The following CHD3 variants were observed in gnomAD, a reference collection of about 807,000 sequenced individuals.
CHD3 encodes the protein chromodomain helicase DNA binding protein 3.
In CHD3, 52 loss-of-function variants were observed where a neutral mutation model predicts 248.9. The ratio of observed to expected loss-of-function variants is 0.21; its 90% CI spans 0.17 to 0.26. The LOEUF (loss-of-function observed/expected upper bound fraction) is 0.26, where lower values mean the gene tolerates loss of function less well. Among genes scored for constraint, CHD3 ranks in the 10% least tolerant of loss-of-function variants. CHD3 has a pLI of 1.00. For synonymous variants in CHD3, 985 were observed against 985.2 expected, an observed-to-expected ratio of 1.00 and a Z score of 0.00; for missense variants, 1,482 against 2,605.8, an observed-to-expected ratio of 0.57 and a Z score of 9.39.
chr17:7,887,366 G>C (rs1487359899), upstream of CHD3, among the ~76,000 whole-genome samples: 1 of 151,942 alleles, frequency 6.6e-6, no homozygotes, highest in Non-Finnish European at 1.5e-5. Context: ...GTGTTGGTGG[G>C]GGAAGGGAGC....
Position 7,908,006 on chromosome 17 carries a change from T to C in CHD3, c.5139T>C (p.Asp1713=), listed in dbSNP as rs150988632. The change falls in exon 34 of 40, where the codon GAT becomes GAC. Residue 1713 remains aspartate (D), a synonymous_variant. Coordinates refer to ENST00000330494, the MANE Select transcript of CHD3 (RefSeq NM_001005273.3). This position sits in a 1 kb window ranked among gnomAD's most constrained non-coding sequence, Gnocchi z 5.8. ...EKPRFMFNIA[D]GGFTELHTLW... The stretch of plus-strand genomic sequence containing the variant: ...CCCGGTTCATGTTCAATATCGCCGA[T>C]GGTGGCTTCACAGGTTGGGGAGACT... 737 of 1,604,714 alleles carry C rather than the reference T, an allele frequency of 4.6e-4. 12 individuals carry two copies. In the East Asian group the frequency reaches 0.016, roughly 34 times the overall value.
upstream of CHD3, among the ~76,000 whole-genome samples, chr17:7,887,511 GTT>G (rs1567828975): frequency 6.6e-6 from 1 of 152,114 alleles, no homozygotes; most frequent in Non-Finnish European, 1.5e-5. Flanking sequence ...AATTCTGGTA[GTT>G]TCTTTGCAAA....
At chr17:7,887,662 GAA>G (rs1292882248), upstream of CHD3, among the ~76,000 whole-genome samples, 6 of 151,738 alleles carry the variant, frequency 4.0e-5, no homozygotes, top group Admixed American at 6.6e-5. Flanking sequence ...GAGATTAGAA[GAA>G]GAGAGGGGCG....
rs143501783 is a variant in CHD3, at chr17:7,897,001, T to C, written c.1708-82T>C. 0.012 allele frequency: 14,309 copies of C among 1,173,588 alleles called. 131 individuals carry two copies. Among genetic ancestry groups the C allele is most frequent in the Middle Eastern group, 0.03 (142 of 4,766 alleles). The allele number at this position is 1,173,588 out of a possible 1,614,324, so 72.7% of individuals were successfully genotyped here. On this transcript the variant is annotated intron_variant, in intron 10 of 39. Coordinates refer to ENST00000330494, the MANE Select transcript of CHD3 (RefSeq NM_001005273.3). The surrounding 1 kb of genome is among the most constrained non-coding windows in gnomAD (Gnocchi z 4.8). ...TAGCTCCCTTTCCCTGTCCCATTCC[T>C]CCTGCCGGCCTCTTCCCGGTTCCTT...
At position 7,895,207 on chromosome 17, in the gene CHD3, C is replaced by A; in HGVS notation, c.1503+57C>A. On this transcript the variant is annotated intron_variant, in intron 9 of 39. Coordinates refer to ENST00000330494, the MANE Select transcript of CHD3 (RefSeq NM_001005273.3). This position sits in a 1 kb window ranked among gnomAD's most constrained non-coding sequence, Gnocchi z 4.9. Reference sequence around the variant, plus strand: ...TGTCAGGCCTGATCCCTTCCCCCATCCCTGGGGCCCACATGTCCAGCTTTT... The same window carrying A: ...TGTCAGGCCTGATCCCTTCCCCCATACCTGGGGCCCACATGTCCAGCTTTT... 5.0e-6 allele frequency: 8 copies of A among 1,589,560 alleles called. No individual in the cohort carries two copies. The highest frequency in any genetic ancestry group is 6.9e-6 in the Non-Finnish European group (8 of 1,164,786).
chr17:7,895,604 C>A lies in CHD3; in HGVS notation c.1707+62C>A. On this transcript the variant is annotated intron_variant, in intron 10 of 39. Coordinates refer to ENST00000330494, the MANE Select transcript of CHD3 (RefSeq NM_001005273.3). This position sits in a 1 kb window ranked among gnomAD's most constrained non-coding sequence, Gnocchi z 4.9. ...TCATTTCCTGCCATCCTCTCCCTCT[C>A]TTACTCCTCTGTTTGTTGGGTTCCC... 1 of 1,416,508 alleles carries A rather than the reference C, an allele frequency of 7.1e-7. No homozygotes were observed. The highest frequency in any genetic ancestry group is 9.9e-7 in the Non-Finnish European group (1 of 1,008,490). The allele number at this position is 1,416,508 out of a possible 1,614,324, so 87.7% of individuals were successfully genotyped here.
Position 7,908,573 on chromosome 17 carries a change from T to C in CHD3, c.5261+63T>C. 1.3e-6 allele frequency: 2 copies of C among 1,551,036 alleles called. No individual in the cohort carries two copies. Among genetic ancestry groups the C allele is most frequent in the East Asian group, 2.2e-5 (1 of 44,486 alleles). Reference sequence around the variant, plus strand: ...CTCAAGCTGGCAAAAAAAAAAAAGATGATTTCACACCCAGGGACAGGGCTA... The same window carrying C: ...CTCAAGCTGGCAAAAAAAAAAAAGACGATTTCACACCCAGGGACAGGGCTA... On this transcript the variant is annotated intron_variant, in intron 35 of 39. Coordinates refer to ENST00000330494, the MANE Select transcript of CHD3 (RefSeq NM_001005273.3). This position sits in a 1 kb window ranked among gnomAD's most constrained non-coding sequence, Gnocchi z 5.8.
chr17:7,905,216 A>G lies in CHD3; in HGVS notation c.4138+51A>G. 6.4e-7 allele frequency: 1 copy of G among 1,568,458 alleles called. No individual in the cohort carries two copies. Among genetic ancestry groups the G allele is most frequent in the Non-Finnish European group, 8.8e-7 (1 of 1,138,584 alleles). ...CTCACCTCTTCCCGTTTTATTTTCC[A>G]GTTTGCTTTAAGCCCACTGTTTTTA... is the stretch of plus-strand genomic sequence containing the variant. On this transcript the variant is annotated intron_variant, in intron 26 of 39. Transcript: ENST00000330494. The surrounding 1 kb of genome is among the most constrained non-coding windows in gnomAD (Gnocchi z 5.8).
Position 7,889,211 on chromosome 17 carries a change from A to G in CHD3, c.100+111A>G, listed in dbSNP as rs1380798869. 5 of 1,368,592 alleles carry G rather than the reference A, an allele frequency of 3.7e-6. No individual in the cohort carries two copies. Among genetic ancestry groups the G allele is most frequent in the Middle Eastern group, 2.3e-4 (1 of 4,406 alleles). 84.8% of individuals were successfully genotyped at this position (1,368,592 alleles called of 1,614,324 possible). ...TGTCCACCTTTGGCTCTCCCTCCCC[A>G]GCATCTGGCTTAGGGAGCTGCCAGC... On this transcript the variant is annotated intron_variant, in intron 1 of 39. Coordinates refer to ENST00000330494, the MANE Select transcript of CHD3 (RefSeq NM_001005273.3). This position sits in a 1 kb window ranked among gnomAD's most constrained non-coding sequence, Gnocchi z 4.5.
upstream of CHD3, chr17:7,884,897 G>C: frequency 7.2e-7 from 1 of 1,389,240 alleles, no homozygotes; most frequent in Non-Finnish European, 9.6e-7. Flanking sequence ...GGGCGACGAG[G>C]AGGAGGAGGA....
chr17:7,888,776 T>C, upstream of CHD3: 2 of 1,390,784 alleles, frequency 1.4e-6, no homozygotes, highest in Non-Finnish European at 1.9e-6. Context: ...GCTGGGTGTG[T>C]CTGTCTGTGC....
chr17:7,892,051 A>G (rs1368482087), intron 4 of CHD3, among the ~76,000 whole-genome samples: 3 of 152,162 alleles, frequency 2.0e-5, no homozygotes, highest in Non-Finnish European at 4.4e-5. Flanking sequence ...TATACCTCAT[A>G]GGAATCTGTG....
At chr17:7,892,884 C>T (rs1969087342) in intron 4 of CHD3, among the ~76,000 whole-genome samples, 1 of 152,194 alleles carries the variant, frequency 6.6e-6, no homozygotes, top group African/African-American at 2.4e-5. Flanking sequence ...CCTCCAACTC[C>T]TGGGCTCAAG....
rs1971470987 is a variant in CHD3, at chr17:7,910,167, T to C, written c.5591-261T>C. ...CTTTCCTCCATGCTCCCTTTTTCTT[T>C]CTTCTTTCTCTCCATCTGTCTTCTG... On this transcript the variant is annotated intron_variant, in intron 37 of 39. Transcript: ENST00000330494. This position sits in a 1 kb window ranked among gnomAD's most constrained non-coding sequence, Gnocchi z 4.7. 1 of 377,276 alleles carries C rather than the reference T, an allele frequency of 2.7e-6. No homozygotes were observed. The highest frequency in any genetic ancestry group is 4.9e-6 in the Non-Finnish European group (1 of 204,824). The allele number at this position is 377,276 out of a possible 1,614,324, so 23.4% of individuals were successfully genotyped here. A position where few individuals can be genotyped will look rare whatever the true frequency, so the allele number is the denominator to read the frequency against.
chr17:7,902,008 C>T (rs182797287), intron 20 of CHD3, among the ~76,000 whole-genome samples: 42 of 152,254 alleles, frequency 2.8e-4, no homozygotes, highest in Non-Finnish European at 4.0e-4. Context: ...CACCAGAAAA[C>T]TGCACATACA....
intron 8 of CHD3, 81 bp from the exon 9 acceptor site, chr17:7,894,836 G>C: frequency 6.4e-7 from 1 of 1,569,734 alleles, no homozygotes; most frequent in Non-Finnish European, 8.6e-7. Context: ...TAGGATTCAG[G>C]TGTCCTGTCT....
chr17:7,910,903 C>T lies in CHD3; in HGVS notation c.5811C>T (p.Ala1937=), dbSNP rs775108956. The change falls in exon 39 of 40, where the codon GCC becomes GCT. Residue 1937 remains alanine, a synonymous_variant. Coordinates refer to ENST00000330494, the MANE Select transcript of CHD3 (RefSeq NM_001005273.3). This position sits in a 1 kb window ranked among gnomAD's most constrained non-coding sequence, Gnocchi z 4.7. ...CGGGGTACGGGGCGGCCTTCAGCGC[C>T]GCACCCGTAGGGGCCCTGGCCGCCG... ...TPPGYGAAFS[A]APVGALAAAG... 171 of 1,613,462 alleles carry T rather than the reference C, an allele frequency of 1.1e-4. No individual in the cohort carries two copies. Among genetic ancestry groups the T allele is most frequent in the Non-Finnish European group, 1.3e-4 (151 of 1,179,860 alleles).
Position 7,895,721 on chromosome 17 carries a change from T to C in CHD3, c.1707+179T>C, listed in dbSNP as rs1969546667. Among the ~76,000 whole-genome samples the C allele has an allele frequency of 6.6e-6, 1 of 152,194 alleles. No individual in the cohort carries two copies. The highest frequency in any genetic ancestry group is 2.1e-4 in the South Asian group (1 of 4,836). On this transcript the variant is annotated intron_variant, in intron 10 of 39. Coordinates refer to ENST00000330494, the MANE Select transcript of CHD3 (RefSeq NM_001005273.3). The surrounding 1 kb of genome is among the most constrained non-coding windows in gnomAD (Gnocchi z 4.9). ...TGGTTCTTTTGGTCTACAGTCCTCT[T>C]TCTCTCAGTCTCCGTTAGCTTCCTT...
chr17:7,894,534 C>G lies in CHD3; in HGVS notation c.1195C>G (p.Arg399Gly). The stretch of plus-strand genomic sequence containing the variant: ...AATTATTCTGTGTGACACCTGCCCT[C>G]GTGCCTACCACCTCGTCTGCCTTGA... ...GEIILCDTCP[R>G]AYHLVCLDPE... is the part of the protein sequence containing the mutation. The change falls in exon 8 of 40, where the codon CGT (arginine) becomes GGT (glycine). Residue 399 changes from arginine to glycine, a missense_variant. Around this residue, in one of 20 missense-constraint regions of CHD3, gnomAD observed 138 missense variants for 241.1 expected, o/e 0.57. Coordinates refer to ENST00000330494, the MANE Select transcript of CHD3 (RefSeq NM_001005273.3). 1 of 1,614,086 alleles carries G rather than the reference C, an allele frequency of 6.2e-7. No individual in the cohort carries two copies. The highest frequency in any genetic ancestry group is 8.5e-7 in the Non-Finnish European group (1 of 1,180,004).
Sources: gnomAD v4.1 joint callset for allele counts (sites outside exome capture counted in the v4.1 genomes callset) on GRCh38, gnomAD v4.1.1 for gene constraint, gnomAD v4.1.1 regional missense constraint, Gnocchi (gnomAD v3.1) non-coding constraint, MANE v1.5 for transcripts, NCBI Gene and HGNC (gene_info 2026-07-23, HGNC 2026-07-21) for gene names.